Variants in RAPGEF5 observed in about 807,000 individuals in gnomAD.
RAPGEF5 encodes the protein M-Ras-regulated GEF.
A neutral mutation model predicts 125.2 loss-of-function variants in RAPGEF5; 65 were observed. The observed-to-expected ratio is 0.52, with a 90% confidence interval of 0.43 to 0.64. The LOEUF (loss-of-function observed/expected upper bound fraction) is 0.64. Ranked by LOEUF, RAPGEF5 falls within the 30% of genes least tolerant of loss-of-function variation. RAPGEF5 has a pLI of 0.00. For missense variants in RAPGEF5, 958 were observed against 1,048.1 expected (o/e 0.91, Z 1.19); for synonymous variants, 391 against 385.9 (o/e 1.01, Z -0.16).
intron 5 of RAPGEF5, among the ~76,000 whole-genome samples, chr7:22,297,381 T>C (rs796933666): frequency 3.2e-4 from 49 of 152,148 alleles, no homozygotes; most frequent in African/African-American, 9.2e-4. Context: ...AAATAAAACA[T>C]GAGAAAGATA....
chr7:22,297,454 T>C (rs1783088550), intron 5 of RAPGEF5, among the ~76,000 whole-genome samples: 1 of 152,172 alleles, frequency 6.6e-6, no homozygotes, highest in Non-Finnish European at 1.5e-5. Context: ...AGGGGAGCAA[T>C]TGTGATACAG....
chr7:22,129,824 C>G (rs1238308354), intron 24 of RAPGEF5, among the ~76,000 whole-genome samples: 1 of 152,260 alleles, frequency 6.6e-6, no homozygotes, highest in South Asian at 2.1e-4. Context: ...AGACTGTATT[C>G]TATATTCCAG....
intron 11 of RAPGEF5, among the ~76,000 whole-genome samples, chr7:22,175,514 G>C (rs146509559): frequency 6.6e-6 from 1 of 152,138 alleles, no homozygotes; most frequent in Non-Finnish European, 1.5e-5. Context: ...GTACAGATTA[G>C]AATGTGGGAA....
intron 11 of RAPGEF5, among the ~76,000 whole-genome samples, chr7:22,167,945 G>A (rs1307365707): frequency 6.6e-6 from 1 of 152,182 alleles, no homozygotes; most frequent in African/African-American, 2.4e-5. Context: ...TATGCAGAAT[G>A]TAAAGTGGTG....
At position 22,156,931 on chromosome 7, in the gene RAPGEF5, G is replaced by A. The variant is rs1305820806; in HGVS notation, c.1558-43C>T. 4 of 1,610,720 alleles carry A rather than the reference G, an allele frequency of 2.5e-6. No individual in the cohort carries two copies. The Admixed American group carries it at 6.7e-5, about 27-fold the overall frequency. On this transcript the variant is annotated intron_variant, in intron 15 of 25. Coordinates refer to ENST00000665637, the MANE Select transcript of RAPGEF5 (RefSeq NM_012294.5). ...GAGAACAATGAATGAATACATTCCT[G>A]CCCTTTGGAAAACCATAGCTGTTTA...
intron 1 of RAPGEF5, among the ~76,000 whole-genome samples, chr7:22,350,422 T>C (rs1784309566): frequency 6.6e-6 from 1 of 152,262 alleles, no homozygotes; most frequent in South Asian, 2.1e-4. Context: ...TCTATAAATA[T>C]GTCCATGAAA....
intron 9 of RAPGEF5, among the ~76,000 whole-genome samples, chr7:22,195,270 T>C (rs1785120801): frequency 6.6e-6 from 1 of 152,132 alleles, no homozygotes; most frequent in Non-Finnish European, 1.5e-5. Flanking sequence ...TGATTCACCT[T>C]TCATAAGAAG....
In RAPGEF5 at chr7:22,140,194, G is replaced by C. The variant is rs1478402169; in HGVS notation, c.2187-79C>G. ...TAATCACAAAAGATAAAGCTGAAAA[G>C]ACCCTCCTAGGCCACAGAGCTCAGG... On this transcript the variant is annotated intron_variant, in intron 20 of 25. Transcript: ENST00000665637. 9 of 1,310,192 alleles carry C rather than the reference G, an allele frequency of 6.9e-6. No homozygotes were observed. The East Asian group carries it at 2.0e-4, about 30-fold the overall frequency. 81.2% of individuals were successfully genotyped at this position (1,310,192 alleles called of 1,614,324 possible).
intron 3 of RAPGEF5, among the ~76,000 whole-genome samples, chr7:22,310,897 C>T (rs112633645): frequency 4.6e-5 from 7 of 152,004 alleles, no homozygotes; most frequent in East Asian, 1.9e-4. Flanking sequence ...TTATTACAGG[C>T]GGTATCATCA....
At chr7:22,157,320 T>C (rs900226397) in intron 15 of RAPGEF5, among the ~76,000 whole-genome samples, 1 of 152,206 alleles carries the variant, frequency 6.6e-6, no homozygotes, top group Non-Finnish European at 1.5e-5. Flanking sequence ...ACAATGACTT[T>C]CCTAAGGGAC....
At position 22,262,219 on chromosome 7, in the gene RAPGEF5, CA is replaced by C. The variant is rs59256619; in HGVS notation, c.796+4744del. ...ACTCTCAAAACTCAACTATAAAAAA[CA>C]AAAAAAAAGCAATTCAATTAAAAAA... On this transcript the variant is annotated intron_variant, in intron 7 of 25. Coordinates refer to ENST00000665637, the MANE Select transcript of RAPGEF5 (RefSeq NM_012294.5). 1.9e-3 allele frequency among the ~76,000 whole-genome samples: 277 copies of C among 149,392 alleles called. 3 individuals are homozygous for C. Among genetic ancestry groups the C allele is most frequent in the African/African-American group, 6.5e-3 (267 of 40,776 alleles).
In RAPGEF5 at chr7:22,288,235, C is replaced by T. The variant is rs570868469; in HGVS notation, c.747+2940G>A. Among the ~76,000 whole-genome samples the T allele has an allele frequency of 3.1e-3, 367 of 116,604 alleles. 2 individuals are homozygous for T. The highest frequency in any genetic ancestry group is 1.3e-3 in the Non-Finnish European group (74 of 57,956). The allele number at this position is 116,604 out of a possible 152,430, so 76.5% of individuals were successfully genotyped here. A position where few individuals can be genotyped will look rare whatever the true frequency, so the allele number is the denominator to read the frequency against. On this transcript the variant is annotated intron_variant, in intron 6 of 25. Transcript: ENST00000665637. ...CTACTGCCCTCCGCCTATGGCTGTT[C>T]CCCAGACTCTATCTTCTACTCGGGT...
intron 6 of RAPGEF5, among the ~76,000 whole-genome samples, chr7:22,288,611 C>T (rs1305758773): frequency 6.6e-6 from 1 of 152,018 alleles, no homozygotes; most frequent in Non-Finnish European, 1.5e-5. Flanking sequence ...CAAGCTCTGC[C>T]TCCCAGGTTC....
At chr7:22,313,012 T>C (rs1289988834) in intron 3 of RAPGEF5, among the ~76,000 whole-genome samples, 1 of 152,166 alleles carries the variant, frequency 6.6e-6, no homozygotes, top group Non-Finnish European at 1.5e-5. Context: ...ACAGTGTATT[T>C]TCAGTCTTGT....
intron 1 of RAPGEF5, among the ~76,000 whole-genome samples, chr7:22,350,721 T>C (rs1273004508): frequency 6.6e-6 from 1 of 152,176 alleles, no homozygotes; most frequent in Non-Finnish European, 1.5e-5. Context: ...GTAAATAAAA[T>C]ATTAACTTGC....
intron 12 of RAPGEF5, among the ~76,000 whole-genome samples, chr7:22,164,194 G>A (rs1784091217): frequency 6.6e-6 from 1 of 152,114 alleles, no homozygotes; most frequent in Admixed American, 6.6e-5. Context: ...AACTGGGTAT[G>A]GTGATGGGCA....
chr7:22,323,709 C>T (rs889625585), intron 1 of RAPGEF5, among the ~76,000 whole-genome samples: 2 of 152,120 alleles, frequency 1.3e-5, no homozygotes, highest in African/African-American at 2.4e-5. Flanking sequence ...CAGCAACCAA[C>T]GTGAAGAAGC....
At chr7:22,260,941 T>A (rs1782140839) in intron 7 of RAPGEF5, among the ~76,000 whole-genome samples, 1 of 152,146 alleles carries the variant, frequency 6.6e-6, no homozygotes, top group Non-Finnish European at 1.5e-5. Flanking sequence ...GCACAGCATA[T>A]ATATAAACTT....
At chr7:22,333,883 G>C (rs1480573797) in intron 1 of RAPGEF5, among the ~76,000 whole-genome samples, 1 of 151,782 alleles carries the variant, frequency 6.6e-6, no homozygotes, top group African/African-American at 2.4e-5. Context: ...GATGGACAGA[G>C]GGGAGCCAGG....
Sources: allele counts gnomAD v4.1 joint callset (sites outside exome capture counted in the v4.1 genomes callset), GRCh38; gene constraint gnomAD v4.1.1; transcripts MANE v1.5; gene names NCBI Gene and HGNC (gene_info 2026-07-23, HGNC 2026-07-21).